TPX2: variants seen among roughly 807,000 people sequenced by gnomAD.
The protein encoded by TPX2 is TPX2 microtubule nucleation factor.
Under a neutral mutation model 93.6 loss-of-function variants are expected in TPX2, and 21 were observed. The observed-to-expected ratio is 0.22, with a 90% CI of 0.16 to 0.32. TPX2 has a LOEUF of 0.32. Among genes scored for constraint, TPX2 ranks in the 10% least tolerant of loss-of-function variants. The pLI is 1.00. For missense variants in TPX2, 776 were observed against 871.1 expected, an observed-to-expected ratio of 0.89 and a Z score of 1.37; for synonymous variants, 281 against 298.3, an observed-to-expected ratio of 0.94 and a Z score of 0.60.
At chr20:31,780,848 T>C in intron 10 of TPX2, 1 of 325,330 alleles carries the variant, frequency 3.1e-6, no homozygotes, top group South Asian at 2.5e-5. Flanking sequence ...CTTGATGCTT[T>C]TATATTGATT....
At chr20:31,756,762 T>G (rs773908511) in intron 2 of TPX2, among the ~76,000 whole-genome samples, 8 of 152,062 alleles carry the variant, frequency 5.3e-5, no homozygotes, top group African/African-American at 1.2e-4. Context: ...TAGCTAGAAT[T>G]ACAGGCGCCT....
At chr20:31,773,211 G>T (rs2061975377) in intron 7 of TPX2, among the ~76,000 whole-genome samples, 1 of 149,682 alleles carries the variant, frequency 6.7e-6, no homozygotes, top group Admixed American at 6.7e-5. Flanking sequence ...GAATGCAGTG[G>T]CACGATTTCG....
chr20:31,776,141 C>T (rs375753118), intron 8 of TPX2, among the ~76,000 whole-genome samples, 153 bp downstream of exon 8: 66 of 138,014 alleles, frequency 4.8e-4, no homozygotes, highest in African/African-American at 1.6e-3. Flanking sequence ...ACTGCAGTGG[C>T]GCAATCTCGG....
chr20:31,758,124 T>A (rs1474720707), intron 3 of TPX2, among the ~76,000 whole-genome samples: 1 of 134,678 alleles, frequency 7.4e-6, no homozygotes. Flanking sequence ...AATTCATTTT[T>A]TTTTTTTTTT....
Position 31,783,237 on chromosome 20 carries a change from C to A in TPX2, c.1197-468C>A, listed in dbSNP as rs192850963. On this transcript the variant is annotated intron_variant, in intron 11 of 17. Coordinates refer to ENST00000300403, the MANE Select transcript of TPX2 (RefSeq NM_012112.5). ...CTGATTTATTCTTTCTTCTTTTATT[C>A]TTTTATTATTTTTTATTTATTTATT... Among the ~76,000 whole-genome samples, 417 of 151,808 alleles carry A rather than the reference C, an allele frequency of 2.7e-3. 5 individuals carry two copies. The highest frequency in any genetic ancestry group is 9.5e-3 in the African/African-American group (393 of 41,412).
chr20:31,782,440 T>C, intron 11 of TPX2, 50 bp downstream of exon 11: 1 of 1,554,636 alleles, frequency 6.4e-7, no homozygotes, highest in South Asian at 1.2e-5. Flanking sequence ...ACCTGCCTAC[T>C]TTATTTTCAG....
chr20:31,770,168 G>A (rs1209784592), intron 5 of TPX2, among the ~76,000 whole-genome samples, 175 bp from the exon 6 acceptor site: 1 of 152,158 alleles, frequency 6.6e-6, no homozygotes. Flanking sequence ...GAACTAAAAT[G>A]TTATGGTTGA....
intron 5 of TPX2, 71 bp from the exon 6 acceptor site, chr20:31,770,272 A>G: frequency 8.8e-7 from 1 of 1,132,932 alleles, no homozygotes; most frequent in Non-Finnish European, 1.2e-6. Flanking sequence ...ATCCTTTCAC[A>G]TTTCTCAGGA....
chr20:31,783,936 A>T lies in TPX2; in HGVS notation c.1413+15A>T. ...AAGATGTTGTGGTAAGGTTGAGGCT[A>T]TGTGTGCTGGCAGAAGTGTACTGCT... On this transcript the variant is annotated intron_variant, in intron 12 of 17. Coordinates refer to ENST00000300403, the MANE Select transcript of TPX2 (RefSeq NM_012112.5). 1 of 1,613,194 alleles carries T rather than the reference A, an allele frequency of 6.2e-7. No individual in the cohort carries two copies. Among genetic ancestry groups the T allele is most frequent in the Non-Finnish European group, 8.5e-7 (1 of 1,179,652 alleles).
At chr20:31,788,227 C>CCCAA (rs374755530) in intron 12 of TPX2, among the ~76,000 whole-genome samples, 1 of 151,770 alleles carries the variant, frequency 6.6e-6, no homozygotes, top group African/African-American at 2.4e-5. Flanking sequence ...GACCAGCCTG[C>CCCAA]CCAACATGGT....
chr20:31,797,415 A>C lies in TPX2; in HGVS notation c.1845A>C (p.Glu615Asp), dbSNP rs767802961. 1 of 1,614,112 alleles carries C rather than the reference A, an allele frequency of 6.2e-7. No individual in the cohort carries two copies. Among genetic ancestry groups the C allele is most frequent in the Admixed American group, 1.7e-5 (1 of 60,014 alleles). ...AQTWKHQLEE[E>D]LRQQKEAACF... ...TTTCTCTCTAATAGCTGGAAGAAGAACTGAGACAGCAGAAAGAAGCAGCTT... is the reference window on the plus strand; with the variant it reads ...TTTCTCTCTAATAGCTGGAAGAAGACCTGAGACAGCAGAAAGAAGCAGCTT... Residue 615 changes from glutamate to aspartate, a missense_variant, in exon 16 of 18, where the codon GAA becomes GAC. Physicochemically the swap from Glu to Asp is conservative, Grantham distance 45 (BLOSUM62 2). Transcript: ENST00000300403.
At chr20:31,763,731 T>C (rs940889153) in intron 4 of TPX2, among the ~76,000 whole-genome samples, 4 of 150,734 alleles carry the variant, frequency 2.7e-5, no homozygotes, top group Non-Finnish European at 5.9e-5. Flanking sequence ...ATTTTTTTTT[T>C]TTTTTTGGCT....
intron 8 of TPX2, 62 bp downstream of exon 8, chr20:31,776,050 G>GTTTTTTTTTTTTTTTTTTT (rs10528470): frequency 1.5e-5 from 5 of 325,990 alleles, no homozygotes; most frequent in African/African-American, 1.1e-4. Flanking sequence ...CTTGGTAGGT[G>GTTTTTTTTTTTTTTTTTTT]TTTTTTTTTT....
chr20:31,756,235 G>A (rs1336492137), intron 2 of TPX2, among the ~76,000 whole-genome samples: 1 of 152,148 alleles, frequency 6.6e-6, no homozygotes, highest in Admixed American at 6.5e-5. Context: ...CGAGTCTACT[G>A]GGAGAGACAT....
Position 31,770,445 on chromosome 20 carries a change from A to G in TPX2, c.459A>G (p.Glu153=). 2 of 1,588,396 alleles carry G rather than the reference A, an allele frequency of 1.3e-6. No homozygotes were observed. The highest frequency in any genetic ancestry group is 1.7e-6 in the Non-Finnish European group (2 of 1,168,150). The stretch of plus-strand genomic sequence containing the variant: ...GTGCCACTCCTGTAATCATCGATGA[A>G]ATTCTACCCTCTAAGAAAATGAAAG... ...KRCATPVIID[E]ILPSKKMKVS... The change falls in exon 6 of 18, where the codon GAA becomes GAG. Residue 153 remains glutamate, a synonymous_variant. Transcript: ENST00000300403.
At chr20:31,794,078 G>A in intron 14 of TPX2, 54 bp downstream of exon 14, 2 of 1,519,850 alleles carry the variant, frequency 1.3e-6, no homozygotes, top group Non-Finnish European at 1.8e-6. Context: ...ATCCCTCAAA[G>A]ACAGTTTTTT....
At chr20:31,789,736 A>G (rs1439115531) in intron 12 of TPX2, among the ~76,000 whole-genome samples, 1 of 152,168 alleles carries the variant, frequency 6.6e-6, no homozygotes, top group Non-Finnish European at 1.5e-5. Flanking sequence ...TAGTTGCTGC[A>G]AAGATGATTT....
intron 12 of TPX2, among the ~76,000 whole-genome samples, chr20:31,786,683 C>T (rs553682872): frequency 1.1e-3 from 161 of 152,260 alleles, no homozygotes; most frequent in African/African-American, 3.8e-3. Context: ...GGATAGTAGG[C>T]GTGAGCCACT....
intron 4 of TPX2, among the ~76,000 whole-genome samples, chr20:31,764,694 T>C (rs2061913159): frequency 6.6e-6 from 1 of 152,206 alleles, no homozygotes; most frequent in Non-Finnish European, 1.5e-5. Flanking sequence ...TGCATCTATT[T>C]TAGCCTTGAC....
Sources: gnomAD v4.1 joint callset for allele counts (sites outside exome capture counted in the v4.1 genomes callset) on GRCh38, gnomAD v4.1.1 for gene constraint, MANE v1.5 for transcripts, NCBI Gene and HGNC (gene_info 2026-07-23, HGNC 2026-07-21) for gene names.